The following STK32B variants were observed in gnomAD, a reference collection of about 807,000 sequenced individuals.
STK32B encodes serine/threonine-protein kinase 32B.
In STK32B, 43 loss-of-function variants were observed where a neutral mutation model predicts 52.6. That is an observed-to-expected ratio of 0.82 (90% CI 0.64 to 1.05). STK32B has a LOEUF of 1.05. Ranked by LOEUF, STK32B falls within the 50% of genes least tolerant of loss-of-function variation. The pLI, the probability that STK32B is intolerant of heterozygous loss-of-function variation, is 0.00. For missense variants in STK32B, 621 were observed against 534.6 expected, an observed-to-expected ratio of 1.16 and a Z score of -1.59; for synonymous variants, 238 against 204.3, an observed-to-expected ratio of 1.17 and a Z score of -1.41.
chr4:5,250,567 C>T (rs1014384188), intron 3 of STK32B, among the ~76,000 whole-genome samples: 2 of 152,124 alleles, frequency 1.3e-5, no homozygotes, highest in African/African-American at 2.4e-5. Context: ...CCCGCCTCGG[C>T]CTCCCAAAGT....
chr4:5,148,974 C>A lies in STK32B; in HGVS notation c.108+9014C>A, dbSNP rs2108843057. Among the ~76,000 whole-genome samples, 3 of 151,902 alleles carry A rather than the reference C, an allele frequency of 2.0e-5. No individual in the cohort carries two copies. In the South Asian group the frequency reaches 6.2e-4, roughly 31 times the overall value. On this transcript the variant is annotated intron_variant, in intron 2 of 11. Coordinates refer to ENST00000282908, the MANE Select transcript of STK32B (RefSeq NM_018401.3). ...CCCTACTATTATAAAATATCCTTCTCTTTTTCTTCTAGTACTCTTTATTTT... is the reference window on the plus strand; with the variant it reads ...CCCTACTATTATAAAATATCCTTCTATTTTTCTTCTAGTACTCTTTATTTT...
intron 3 of STK32B, among the ~76,000 whole-genome samples, chr4:5,309,983 T>A (rs1730181698): frequency 6.6e-6 from 1 of 152,092 alleles, no homozygotes; most frequent in Non-Finnish European, 1.5e-5. Flanking sequence ...CTGGCCAGCA[T>A]GGTGAAACCT....
chr4:5,136,693 G>A (rs1030080324), intron 1 of STK32B, among the ~76,000 whole-genome samples: 8 of 152,302 alleles, frequency 5.3e-5, no homozygotes, highest in East Asian at 1.9e-4. Context: ...TCACGTGACA[G>A]TATGATTCTA....
chr4:5,491,909 G>A (rs1311864239), intron 11 of STK32B, among the ~76,000 whole-genome samples: 1 of 152,154 alleles, frequency 6.6e-6, no homozygotes, highest in African/African-American at 2.4e-5. Context: ...AGTTATTTCT[G>A]AGGGCTCTGT....
In STK32B at chr4:5,470,573, G is replaced by A. The variant is rs1409822336; in HGVS notation, c.1106+2503G>A. Among the ~76,000 whole-genome samples, 4 of 152,032 alleles carry A rather than the reference G, an allele frequency of 2.6e-5. No homozygotes were observed. Among genetic ancestry groups the A allele is most frequent in the Non-Finnish European group, 5.9e-5 (4 of 68,010 alleles). ...GCGTGCAGGCTTACTGCCATATAAAGGTGTCCAGGAGAGGGTTTTGCTGTG... is the reference window on the plus strand; with the variant it reads ...GCGTGCAGGCTTACTGCCATATAAAAGTGTCCAGGAGAGGGTTTTGCTGTG... On this transcript the variant is annotated intron_variant, in intron 11 of 11. Coordinates refer to ENST00000282908, the MANE Select transcript of STK32B (RefSeq NM_018401.3). The surrounding 1 kb of genome is among the most constrained non-coding windows in gnomAD (Gnocchi z 4.6).
In STK32B at chr4:5,446,783, C is replaced by T. The variant is rs1451302352; in HGVS notation, c.666+7C>T. 1.9e-6 allele frequency: 3 copies of T among 1,613,682 alleles called. No homozygotes were observed. The African/African-American group carries it at 4.0e-5, about 22-fold the overall frequency. The stretch of plus-strand genomic sequence containing the variant: ...TGAGCTGCTGCGGGGCTGGGTAAGA[C>T]AGGCACCTGTGCGGTACACACGAGG... On this transcript the variant is annotated splice_region_variant and intron_variant, in intron 7 of 11. Coordinates refer to ENST00000282908, the MANE Select transcript of STK32B (RefSeq NM_018401.3).
At position 5,122,814 on chromosome 4, in the gene STK32B, C is replaced by T. The variant is rs116539468; in HGVS notation, c.53-17091C>T. Among the ~76,000 whole-genome samples the T allele has an allele frequency of 6.6e-3, 1,002 of 152,314 alleles. 11 individuals carry two copies. The highest frequency in any genetic ancestry group is 0.023 in the African/African-American group (937 of 41,560). On this transcript the variant is annotated intron_variant, in intron 1 of 11. Transcript: ENST00000282908. The stretch of plus-strand genomic sequence containing the variant: ...CTTGCTGGACCACTCCCTTGCTGCA[C>T]TCTCCTGCCTGGGTTCCATGATACT...
intron 1 of STK32B, among the ~76,000 whole-genome samples, chr4:5,097,924 G>C (rs563780928): frequency 6.6e-6 from 1 of 152,214 alleles, no homozygotes; most frequent in Non-Finnish European, 1.5e-5. Flanking sequence ...GATCATCTCA[G>C]AGGGGTTCAC....
intron 4 of STK32B, among the ~76,000 whole-genome samples, chr4:5,352,811 T>C (rs1733923552): frequency 6.6e-6 from 1 of 152,036 alleles, no homozygotes; most frequent in Non-Finnish European, 1.5e-5. Flanking sequence ...AACTAGCTAA[T>C]ATTGTTAAAA....
At chr4:5,284,319 CAAGATTAAGACAA>C (rs899234934) in intron 3 of STK32B, among the ~76,000 whole-genome samples, 9 of 151,900 alleles carry the variant, frequency 5.9e-5, no homozygotes, top group African/African-American at 2.2e-4. Flanking sequence ...GTAAATTGAA[CAAGATTAAGACAA>C]AAGTAAACTT....
rs146484916 is a variant in STK32B, at chr4:5,428,209, C to A, written c.562+11275C>A. Among the ~76,000 whole-genome samples the A allele has an allele frequency of 3.7e-3, 562 of 152,134 alleles. 1 individual carries two copies. Among genetic ancestry groups the A allele is most frequent in the African/African-American group, 0.013 (526 of 41,488 alleles). On this transcript the variant is annotated intron_variant, in intron 6 of 11. Transcript: ENST00000282908. ...GATCACAAGGTCAGGAGATCAAGAT[C>A]ATCCTGGTTAACACAGTGAAACCCC... is the stretch of plus-strand genomic sequence containing the variant.
At chr4:5,343,192 A>G (rs189527851) in intron 4 of STK32B, among the ~76,000 whole-genome samples, 2 of 148,820 alleles carry the variant, frequency 1.3e-5, no homozygotes, top group Non-Finnish European at 3.0e-5. Flanking sequence ...GAGTGAGAAC[A>G]TGTGGTGTTT....
rs10001715 is a variant in STK32B, at chr4:5,086,471, A to C, written c.52+34556A>C. Among the ~76,000 whole-genome samples the C allele has an allele frequency of 8.8e-3, 1,336 of 152,352 alleles. 24 individuals carry two copies. Among genetic ancestry groups the C allele is most frequent in the African/African-American group, 0.031 (1,295 of 41,588 alleles). ...ATGAACAAAGTCTTAGAGACACATG[A>C]GGTGCCATCAAGTGTAGCAACCATA... On this transcript the variant is annotated intron_variant, in intron 1 of 11. Transcript: ENST00000282908.
intron 5 of STK32B, among the ~76,000 whole-genome samples, chr4:5,412,187 G>T (rs1359809605): frequency 1.3e-5 from 2 of 152,156 alleles, no homozygotes; most frequent in Non-Finnish European, 2.9e-5. Context: ...GTATTAATGG[G>T]TCATACACAA....
intron 3 of STK32B, among the ~76,000 whole-genome samples, chr4:5,322,904 C>G (rs188244252): frequency 2.0e-5 from 3 of 152,284 alleles, no homozygotes; most frequent in Non-Finnish European, 4.4e-5. Flanking sequence ...CATGGCTGAC[C>G]TTTAGTTTGT....
At chr4:5,402,056 C>A (rs913614517) in intron 5 of STK32B, among the ~76,000 whole-genome samples, 9 of 152,270 alleles carry the variant, frequency 5.9e-5, no homozygotes, top group African/African-American at 2.2e-4. Context: ...GCAAGTTCAT[C>A]TGCATGGTCT....
chr4:5,389,958 A>AG (rs1736498012), intron 4 of STK32B, among the ~76,000 whole-genome samples: 1 of 151,892 alleles, frequency 6.6e-6, no homozygotes, highest in South Asian at 2.1e-4. Flanking sequence ...GAGTGCCGCA[A>AG]GGGGGTGCCA....
At chr4:5,077,116 A>C (rs1458221427) in intron 1 of STK32B, among the ~76,000 whole-genome samples, 3 of 152,118 alleles carry the variant, frequency 2.0e-5, no homozygotes, top group African/African-American at 7.2e-5. Context: ...TTTCTGCCAC[A>C]TTTCTTTCTG....
In STK32B at chr4:5,434,331, T is replaced by C. The variant is rs552448184; in HGVS notation, c.563-12342T>C. Among the ~76,000 whole-genome samples, 14 of 152,212 alleles carry C rather than the reference T, an allele frequency of 9.2e-5. 1 individual carries two copies. The South Asian group carries it at 2.5e-3, about 27-fold the overall frequency. ...CTAATTCAATTGGAACCAAAACTAA[T>C]AGATGACTAATTCAATTGCAACCAA... On this transcript the variant is annotated intron_variant, in intron 6 of 11. Coordinates refer to ENST00000282908, the MANE Select transcript of STK32B (RefSeq NM_018401.3).
Sources: gnomAD v4.1 joint callset for allele counts (sites outside exome capture counted in the v4.1 genomes callset) on GRCh38, gnomAD v4.1.1 for gene constraint, Gnocchi (gnomAD v3.1) non-coding constraint, MANE v1.5 for transcripts, NCBI Gene and HGNC (gene_info 2026-07-23, HGNC 2026-07-21) for gene names.